The following PCDH11X variants were observed in gnomAD, a reference collection of about 807,000 sequenced individuals.
The protein encoded by PCDH11X is protocadherin-11 X-linked.
Under a neutral mutation model 53.3 loss-of-function variants are expected in PCDH11X, and 18 were observed. The observed-to-expected ratio is 0.34, with a 90% CI of 0.23 to 0.50. PCDH11X has a LOEUF of 0.50. Ranked by LOEUF, PCDH11X falls within the 20% of genes least tolerant of loss-of-function variation. The pLI is 0.98. For missense variants in PCDH11X, 570 were observed against 1,032.4 expected (o/e 0.55, Z 6.14); for synonymous variants, 279 against 393.3 (o/e 0.71, Z 3.44).
chrX:91,905,131 ATTG>A (rs1259206311), intron 6 of PCDH11X, among the ~76,000 whole-genome samples: 4 of 99,246 alleles, frequency 4.0e-5, no homozygotes, highest in African/African-American at 1.5e-4. Context: ...TATTATTATT[ATTG>A]TTATTATTAT....
At chrX:92,487,431 T>G (rs2073668038) in intron 10 of PCDH11X, among the ~76,000 whole-genome samples, 1 of 111,443 alleles carries the variant, frequency 9.0e-6, no homozygotes, top group Non-Finnish European at 1.9e-5. Flanking sequence ...TTTACAAACT[T>G]AATACTGTCA....
intron 8 of PCDH11X, among the ~76,000 whole-genome samples, chrX:92,343,148 C>A (rs1336625891): frequency 1.8e-5 from 2 of 112,169 alleles, no homozygotes; most frequent in Non-Finnish European, 3.8e-5. Flanking sequence ...GGACAGCCTT[C>A]AGGCAAAGTC....
At chrX:92,188,223 G>C (rs531615072) in intron 6 of PCDH11X, among the ~76,000 whole-genome samples, 1 of 111,219 alleles carries the variant, frequency 9.0e-6, no homozygotes, top group African/African-American at 3.3e-5. Flanking sequence ...TTCTCTCTAA[G>C]CTCTTTTCTC....
At chrX:92,412,503 AAAATAGT>A (rs1323811710) in intron 9 of PCDH11X, among the ~76,000 whole-genome samples, 2 of 61,772 alleles carry the variant, frequency 3.2e-5, no homozygotes, top group Non-Finnish European at 5.9e-5. Context: ...CAAAATAAAG[AAAATAGT>A]ATATATATAT....
At chrX:92,447,218 G>T (rs1158862018) in intron 9 of PCDH11X, among the ~76,000 whole-genome samples, 1 of 112,012 alleles carries the variant, frequency 8.9e-6, no homozygotes, top group African/African-American at 3.2e-5. Context: ...AAAGCCAATT[G>T]TAGAAATTTG....
In PCDH11X at chrX:92,227,071, G is replaced by T. The variant is rs765751387; in HGVS notation, c.3114+25616G>T. On this transcript the variant is annotated intron_variant, in intron 7 of 10. Coordinates refer to ENST00000682573, the MANE Select transcript of PCDH11X (RefSeq NM_032968.5). ...ATACATTCTGAGCATTAGCAAGTTTGCCAGTCATTGTATATCATTGTCTCG... is the reference window on the plus strand; with the variant it reads ...ATACATTCTGAGCATTAGCAAGTTTTCCAGTCATTGTATATCATTGTCTCG... 3.2e-3 allele frequency among the ~76,000 whole-genome samples: 357 copies of T among 111,530 alleles called. 1 individual carries two copies. Among genetic ancestry groups the T allele is most frequent in the Non-Finnish European group, 5.7e-3 (300 of 53,073 alleles).
intron 7 of PCDH11X, among the ~76,000 whole-genome samples, chrX:92,220,520 A>G (rs2066845262): frequency 9.1e-6 from 1 of 109,954 alleles, no homozygotes; most frequent in Non-Finnish European, 1.9e-5. Flanking sequence ...CACCAGTTAG[A>G]AGGGCAATCA....
chrX:92,405,640 C>A (rs2071489439), intron 9 of PCDH11X, among the ~76,000 whole-genome samples: 1 of 100,903 alleles, frequency 9.9e-6, no homozygotes, highest in Non-Finnish European at 2.0e-5. Flanking sequence ...ATCTCAGTAC[C>A]AAGATAACAT....
chrX:91,824,072 G>A (rs1451370184), intron 4 of PCDH11X, among the ~76,000 whole-genome samples: 5 of 111,428 alleles, frequency 4.5e-5, no homozygotes, highest in Non-Finnish European at 9.4e-5. Context: ...TTCCCTATGA[G>A]GGTGACCCGA....
chrX:92,447,963 T>A (rs1445114385), intron 9 of PCDH11X, among the ~76,000 whole-genome samples: 4 of 108,741 alleles, frequency 3.7e-5, no homozygotes, highest in African/African-American at 1.3e-4. Context: ...GCTTTAAGAT[T>A]TCACTGCCCT....
chrX:91,917,257 A>G (rs2571753), intron 6 of PCDH11X, among the ~76,000 whole-genome samples: 39,337 of 104,828 alleles, frequency 0.38, 6,318 homozygotes, highest in East Asian at 0.59. Context: ...GGAACAAGAC[A>G]AGGATGTCCA....
At chrX:91,960,621 A>G (rs7881458) in intron 6 of PCDH11X, among the ~76,000 whole-genome samples, 1,762 of 110,620 alleles carry the variant, frequency 0.016, 43 homozygotes, top group African/African-American at 0.056. Context: ...ACAGGCTTTC[A>G]CCATGTTGGC....
At chrX:91,795,536 G>A (rs1935705878) in intron 1 of PCDH11X, among the ~76,000 whole-genome samples, 1 of 111,519 alleles carries the variant, frequency 9.0e-6, no homozygotes, top group Admixed American at 9.6e-5. Context: ...GTAAAATGGT[G>A]ACTCTTTTTC....
chrX:92,591,555 C>G (rs964421728), intron 10 of PCDH11X, among the ~76,000 whole-genome samples: 1 of 111,660 alleles, frequency 9.0e-6, no homozygotes, highest in Non-Finnish European at 1.9e-5. Context: ...CAGTTACAAA[C>G]TATGCTACAG....
chrX:92,471,729 C>A (rs1484385535), intron 10 of PCDH11X, among the ~76,000 whole-genome samples: 1 of 102,954 alleles, frequency 9.7e-6, no homozygotes, highest in African/African-American at 3.5e-5. Flanking sequence ...CTCTCACCAC[C>A]GGTGGATAAG....
chrX:92,158,708 T>G (rs2068412380), intron 6 of PCDH11X, among the ~76,000 whole-genome samples: 1 of 110,276 alleles, frequency 9.1e-6, no homozygotes, highest in Non-Finnish European at 1.9e-5. Flanking sequence ...GGATCTCGGC[T>G]CACTGAAACC....
intron 9 of PCDH11X, among the ~76,000 whole-genome samples, chrX:92,467,906 A>G (rs373012091): frequency 9.0e-6 from 1 of 111,730 alleles, no homozygotes; most frequent in African/African-American, 3.2e-5. Context: ...TTCTTGCTCT[A>G]CACTTATAGT....
At chrX:92,171,307 T>A (rs2148276389) in intron 6 of PCDH11X, among the ~76,000 whole-genome samples, 1 of 104,819 alleles carries the variant, frequency 9.5e-6, no homozygotes, top group Admixed American at 1.0e-4. Flanking sequence ...ATGTTGTTTT[T>A]CCAAAATTTT....
intron 6 of PCDH11X, among the ~76,000 whole-genome samples, chrX:91,951,279 CTT>C (rs1325907079): frequency 9.1e-6 from 1 of 110,312 alleles, no homozygotes; most frequent in Admixed American, 9.7e-5. Flanking sequence ...ATTTGAAACA[CTT>C]TATTACAGCA....
Sources: gnomAD v4.1 joint callset for allele counts (sites outside exome capture counted in the v4.1 genomes callset) on GRCh38, gnomAD v4.1.1 for gene constraint, MANE v1.5 for transcripts, NCBI Gene and HGNC (gene_info 2026-07-23, HGNC 2026-07-21) for gene names.